Variants in CEP76 observed in about 807,000 individuals in gnomAD.
The protein encoded by CEP76 is centrosomal protein 76.
A neutral mutation model predicts 83.3 loss-of-function variants in CEP76; 55 were observed. The observed-to-expected ratio is 0.66, with a 90% CI of 0.53 to 0.83. CEP76 has a LOEUF of 0.83. Among genes scored for constraint, CEP76 ranks in the 40% least tolerant of loss-of-function variants. The probability of loss-of-function intolerance (pLI) is 0.00; values close to 1 mark genes in which losing one functional copy is unlikely to be tolerated. For missense variants in CEP76, 694 were observed against 799.5 expected, an observed-to-expected ratio of 0.87 and a Z score of 1.59; for synonymous variants, 270 against 274.5, an observed-to-expected ratio of 0.98 and a Z score of 0.16.
intron 8 of CEP76, chr18:12,684,290 G>GT (rs1297378831): frequency 6.6e-6 from 1 of 151,558 alleles, no homozygotes; most frequent in Non-Finnish European, 1.5e-5. Context: ...AATTTTTATA[G>GT]TTTTTTAGAG....
chr18:12,700,903 T>TA lies in CEP76; in HGVS notation c.219+54dup, dbSNP rs376425761. 1.3e-4 allele frequency: 185 copies of TA among 1,418,168 alleles called. No homozygotes were observed. In the African/African-American group the frequency reaches 2.2e-3, roughly 17 times the overall value. The allele number at this position is 1,418,168 out of a possible 1,614,324, so 87.8% of individuals were successfully genotyped here. On this transcript the variant is annotated intron_variant, in intron 2 of 11. Coordinates refer to ENST00000262127, the MANE Select transcript of CEP76 (RefSeq NM_024899.4). ...CACATCGGAACCTTATAAGTAGTGT[T>TA]ACGCATTAGTATATACATATATACT...
chr18:12,677,546 AG>A (rs1245409605), intron 10 of CEP76, among the ~76,000 whole-genome samples: 1 of 151,780 alleles, frequency 6.6e-6, no homozygotes, highest in African/African-American at 2.4e-5. Flanking sequence ...TACCCAGTTG[AG>A]TACAACATGA....
At position 12,674,649 on chromosome 18, in the gene CEP76, A is replaced by C. The variant is rs1389283311; in HGVS notation, c.1728T>G (p.Asn576Lys). ...TTCTTATGGCATCTTGAAATTCTTC[A>C]TTGCCTGCTGATATACTTGTTGTAC... ...FERTTSISAG[N>K]EEFQDAIRRA... is the part of the protein sequence containing the mutation. Residue 576 changes from asparagine to lysine, a missense_variant, in exon 11 of 12, where the codon AAT becomes AAG. Transcript: ENST00000262127. 1 of 1,613,918 alleles carries C rather than the reference A, an allele frequency of 6.2e-7. No individual in the cohort carries two copies. Among genetic ancestry groups the C allele is most frequent in the Non-Finnish European group, 8.5e-7 (1 of 1,179,896 alleles).
At chr18:12,701,920 G>A (rs1159140535) in intron 1 of CEP76, among the ~76,000 whole-genome samples, 1 of 152,178 alleles carries the variant, frequency 6.6e-6, no homozygotes, top group African/African-American at 2.4e-5. Context: ...CACGAAGTCA[G>A]GAGTTCGGGA....
intron 11 of CEP76, among the ~76,000 whole-genome samples, chr18:12,673,722 A>G (rs45589535): frequency 0.28 from 41,939 of 151,802 alleles, 5,950 homozygotes; most frequent in Non-Finnish European, 0.32. Context: ...TCTACTAAAA[A>G]TTACAAAAAT....
At chr18:12,678,063 TAAATG>T in intron 10 of CEP76, 41 bp downstream of exon 10, 2 of 1,486,512 alleles carry the variant, frequency 1.3e-6, no homozygotes, top group Non-Finnish European at 1.9e-6. Context: ...GTTAAATACA[TAAATG>T]AAAAGAAGTA....
chr18:12,668,626 A>T (rs1364592839), downstream of CEP76, among the ~76,000 whole-genome samples: 1 of 140,968 alleles, frequency 7.1e-6, no homozygotes, highest in East Asian at 2.0e-4. Context: ...AAAAAAAAAA[A>T]AAATAGTGAA....
chr18:12,677,653 T>C (rs1469789328), intron 10 of CEP76, among the ~76,000 whole-genome samples: 1 of 152,004 alleles, frequency 6.6e-6, no homozygotes, highest in Non-Finnish European at 1.5e-5. Context: ...GAGATGATGT[T>C]TCACCATATT....
chr18:12,702,664 C>A lies in CEP76; in HGVS notation c.-116G>T, dbSNP rs2040200606. On this transcript the variant is annotated 5_prime_UTR_variant, in exon 1 of 12. Coordinates refer to ENST00000262127, the MANE Select transcript of CEP76 (RefSeq NM_024899.4). ...TGGAGCACAAAGCGCCGCAGCCGTTCGCCTAGCGCAGCTCCCGGGGGACGC... is the reference window on the plus strand; with the variant it reads ...TGGAGCACAAAGCGCCGCAGCCGTTAGCCTAGCGCAGCTCCCGGGGGACGC... The A allele has an allele frequency of 2.2e-5, 27 of 1,214,518 alleles. No individual in the cohort carries two copies. The highest frequency in any genetic ancestry group is 2.9e-5 in the Non-Finnish European group (26 of 891,940). 75.2% of individuals were successfully genotyped at this position (1,214,518 alleles called of 1,614,324 possible).
At chr18:12,687,042 T>A (rs981710690) in intron 7 of CEP76, among the ~76,000 whole-genome samples, 2 of 152,318 alleles carry the variant, frequency 1.3e-5, no homozygotes, top group Admixed American at 6.5e-5. Context: ...TGGTGCTGAA[T>A]AACTTGTATG....
intron 12 of CEP76, among the ~76,000 whole-genome samples, chr18:12,666,636 G>A (rs951687947): frequency 6.0e-5 from 9 of 151,156 alleles, no homozygotes; most frequent in Admixed American, 4.0e-4. Flanking sequence ...TTTTGGTAGA[G>A]ACAGGGTTTC....
chr18:12,702,099 C>G (rs1300328664), intron 1 of CEP76, among the ~76,000 whole-genome samples: 1 of 152,206 alleles, frequency 6.6e-6, no homozygotes, highest in East Asian at 1.9e-4. Flanking sequence ...GCACTCCAGC[C>G]TGGGCAACAG....
intron 7 of CEP76, 80 bp downstream of exon 7, chr18:12,691,279 A>C (rs542307328): frequency 1.1e-6 from 1 of 897,804 alleles, no homozygotes; most frequent in South Asian, 2.5e-5. Flanking sequence ...CATTTTACAA[A>C]TAAATATTAA....
downstream of CEP76, chr18:12,670,940 T>G (rs191315971): frequency 1.2e-4 from 19 of 152,206 alleles, no homozygotes; most frequent in East Asian, 3.7e-3. Flanking sequence ...TGAACCACTA[T>G]GCTTTAAAAA....
Position 12,696,993 on chromosome 18 carries a change from A to G in CEP76, c.706+230T>C, listed in dbSNP as rs140701250. On this transcript the variant is annotated intron_variant, in intron 5 of 11. Transcript: ENST00000262127. ...AAAATTCCTGTATTCATTTTCCAGA[A>G]AAAAACATTTCTCCTAAGACAAGGT... Among the ~76,000 whole-genome samples, 53 of 152,298 alleles carry G rather than the reference A, an allele frequency of 3.5e-4. 1 individual carries two copies. The East Asian group carries it at 6.9e-3, about 20-fold the overall frequency.
At chr18:12,666,479 GCC>G (rs111910209) in intron 12 of CEP76, among the ~76,000 whole-genome samples, 2,423 of 112,450 alleles carry the variant, frequency 0.022, 76 homozygotes, top group African/African-American at 0.077. Flanking sequence ...TCCCTCTGTT[GCC>G]CAGGCTGGAG....
Position 12,697,423 on chromosome 18 carries a change from C to A in CEP76, c.521-15G>T. 6.4e-7 allele frequency: 1 copy of A among 1,572,032 alleles called. No homozygotes were observed. On this transcript the variant is annotated splice_polypyrimidine_tract_variant and intron_variant, in intron 4 of 11. Coordinates refer to ENST00000262127, the MANE Select transcript of CEP76 (RefSeq NM_024899.4). ...AGTTCCATCACCTAGCAATATAATC[C>A]AAACGAAATTATACCACACTACATA...
Position 12,686,299 on chromosome 18 carries a change from T to C in CEP76, c.1085A>G (p.Gln362Arg), listed in dbSNP as rs2039538587. 6.2e-7 allele frequency: 1 copy of C among 1,614,134 alleles called. No individual in the cohort carries two copies. The highest frequency in any genetic ancestry group is 1.3e-5 in the African/African-American group (1 of 75,054). The change falls in exon 8 of 12, where the codon CAG becomes CGG. Residue 362 changes from glutamine (Q) to arginine (R), a missense_variant. By Grantham distance (43) the Gln-to-Arg change is conservative. Transcript: ENST00000262127. ...GAGAAAGGCCAGCAGAGTGCACCAC[T>C]GCTCCTGTTTACCTCCTCCTCCAAT... ...PVIGGGGKQEQWCTLLAFLCR... is the reference protein window; with the variant it reads ...PVIGGGGKQERWCTLLAFLCR...
At position 12,687,467 on chromosome 18, in the gene CEP76, T is replaced by C. The variant is rs1264555038; in HGVS notation, c.934-1017A>G. 3.3e-5 allele frequency among the ~76,000 whole-genome samples: 5 copies of C among 151,658 alleles called. No homozygotes were observed. The East Asian group carries it at 9.7e-4, about 29-fold the overall frequency. ...TAGAAGGCATCAATTTTTTTTTTTT[T>C]TTTTTTGAGACAGAGTCTCGCTGTT... On this transcript the variant is annotated intron_variant, in intron 7 of 11. Transcript: ENST00000262127.
Sources: gnomAD v4.1 joint callset for allele counts (sites outside exome capture counted in the v4.1 genomes callset) on GRCh38, gnomAD v4.1.1 for gene constraint, MANE v1.5 for transcripts, NCBI Gene and HGNC (gene_info 2026-07-23, HGNC 2026-07-21) for gene names.